Variants in ATAD2B observed in about 807,000 individuals in gnomAD.
ATAD2B encodes the protein ATPase family AAA domain-containing protein 2B.
ATAD2B carries 40 observed loss-of-function variants against 167.6 expected under a neutral mutation model. The observed-to-expected ratio is 0.24, with a 90% CI of 0.19 to 0.31. ATAD2B has a LOEUF of 0.31. Ranked by LOEUF, ATAD2B falls within the 10% of genes least tolerant of loss-of-function variation. ATAD2B has a pLI of 1.00. For missense variants in ATAD2B, 1,242 were observed against 1,757.2 expected (o/e 0.71, Z 5.24); for synonymous variants, 579 against 596.5 (o/e 0.97, Z 0.43).
intron 19 of ATAD2B, among the ~76,000 whole-genome samples, 192 bp downstream of exon 19, chr2:23,797,946 G>A (rs1400177076): frequency 6.6e-6 from 1 of 151,956 alleles, no homozygotes; most frequent in Admixed American, 6.6e-5. Context: ...CAACACTGTG[G>A]AATACCACTA....
intron 12 of ATAD2B, among the ~76,000 whole-genome samples, chr2:23,862,654 ATATT>A (rs1453913799): frequency 2.0e-5 from 3 of 152,160 alleles, no homozygotes; most frequent in Non-Finnish European, 2.9e-5. Flanking sequence ...AGTCCACATG[ATATT>A]TATTCACCCT....
At position 23,884,312 on chromosome 2, in the gene ATAD2B, T is replaced by C. The variant is rs79103660; in HGVS notation, c.784+453A>G. On this transcript the variant is annotated intron_variant, in intron 6 of 27. Coordinates refer to ENST00000238789, the MANE Select transcript of ATAD2B (RefSeq NM_017552.4). The stretch of plus-strand genomic sequence containing the variant: ...ACAAATGCCTCAGAAAAGAACAGTA[T>C]AGTCCCTTTCCACTGGTATTAGAAG... 1.6e-3 allele frequency among the ~76,000 whole-genome samples: 243 copies of C among 152,316 alleles called. 2 individuals carry two copies. The highest frequency in any genetic ancestry group is 5.6e-3 in the African/African-American group (232 of 41,576).
chr2:23,876,166 G>A (rs2150152509), intron 7 of ATAD2B, among the ~76,000 whole-genome samples: 1 of 151,914 alleles, frequency 6.6e-6, no homozygotes, highest in East Asian at 1.9e-4. Flanking sequence ...GCTAATTTTT[G>A]TATTTTTAGT....
At chr2:23,833,863 T>C in intron 14 of ATAD2B, 56 bp downstream of exon 14, 1 of 1,332,396 alleles carries the variant, frequency 7.5e-7, no homozygotes, top group Non-Finnish European at 1.0e-6. Flanking sequence ...TCAGAACATA[T>C]GCCTTATAGT....
chr2:23,791,307 G>A (rs1358300171), intron 19 of ATAD2B, among the ~76,000 whole-genome samples: 2 of 152,134 alleles, frequency 1.3e-5, no homozygotes, highest in Non-Finnish European at 2.9e-5. Flanking sequence ...AACTAGGAGT[G>A]GAATTGCTGA....
intron 22 of ATAD2B, among the ~76,000 whole-genome samples, chr2:23,773,144 A>C (rs1398807852): frequency 6.6e-6 from 1 of 152,240 alleles, no homozygotes; most frequent in Non-Finnish European, 1.5e-5. Flanking sequence ...ACTTAGAAGA[A>C]TATTCAAAGT....
At chr2:23,921,437 T>C (rs1432968773) in intron 1 of ATAD2B, among the ~76,000 whole-genome samples, 1 of 152,146 alleles carries the variant, frequency 6.6e-6, no homozygotes, top group Non-Finnish European at 1.5e-5. Flanking sequence ...ACAGTAGTAA[T>C]TCTACCACTT....
chr2:23,805,645 T>C (rs921893424), intron 18 of ATAD2B, among the ~76,000 whole-genome samples: 1 of 152,216 alleles, frequency 6.6e-6, no homozygotes, highest in Admixed American at 6.5e-5. Flanking sequence ...GTATATGTAT[T>C]TGAAATGTTA....
chr2:23,727,687 A>G, the ATAD2B span, among the ~76,000 whole-genome samples: 2 of 152,234 alleles, frequency 1.3e-5, no homozygotes, highest in Non-Finnish European at 2.9e-5. Flanking sequence ...AGGTGAATGG[A>G]TAACAGACTC....
intron 13 of ATAD2B, among the ~76,000 whole-genome samples, chr2:23,835,973 T>C (rs1689878968): frequency 6.6e-6 from 1 of 151,962 alleles, no homozygotes; most frequent in South Asian, 2.1e-4. Context: ...ACAGCTCTTA[T>C]TATGGGGTCC....
intron 21 of ATAD2B, among the ~76,000 whole-genome samples, chr2:23,783,233 C>A (rs1327858422): frequency 6.6e-6 from 1 of 151,094 alleles, no homozygotes; most frequent in Non-Finnish European, 1.5e-5. Context: ...CCAAGTCATA[C>A]CTAAATCAAC....
intron 21 of ATAD2B, 149 bp downstream of exon 21, chr2:23,785,878 A>G (rs914798163): frequency 1.6e-6 from 1 of 638,044 alleles, no homozygotes; most frequent in South Asian, 2.8e-5. Flanking sequence ...TGCTGATGAC[A>G]TCGGTAGTTA....
the ATAD2B span, among the ~76,000 whole-genome samples, chr2:23,725,397 A>C: frequency 2.0e-5 from 3 of 152,258 alleles, no homozygotes; most frequent in South Asian, 6.2e-4. Flanking sequence ...GTCTGTGTAA[A>C]TATAACAGAT....
At chr2:23,789,486 A>G (rs556231639) in intron 19 of ATAD2B, among the ~76,000 whole-genome samples, 1 of 152,292 alleles carries the variant, frequency 6.6e-6, no homozygotes, top group East Asian at 1.9e-4. Context: ...GCAATGCCTA[A>G]TAAGTATGTA....
intron 19 of ATAD2B, among the ~76,000 whole-genome samples, chr2:23,796,232 G>C (rs966872373): frequency 1.3e-5 from 2 of 152,084 alleles, no homozygotes; most frequent in Admixed American, 6.5e-5. Context: ...TACTTATAAA[G>C]ACAAAAGCGA....
the ATAD2B span, among the ~76,000 whole-genome samples, chr2:23,713,102 T>C: frequency 6.6e-6 from 1 of 152,272 alleles, no homozygotes; most frequent in Non-Finnish European, 1.5e-5. Context: ...GCACAAGTAA[T>C]GGCAGTTTTT....
rs544708680 is a variant in ATAD2B at position 23,909,850 on chromosome 2, T to G, written c.217-13880A>C. Among the ~76,000 whole-genome samples, 33 of 150,704 alleles carry G rather than the reference T, an allele frequency of 2.2e-4. No homozygotes were observed. In the East Asian group the frequency reaches 2.3e-3, roughly 11 times the overall value. ...TTGAGTATTGCATAAGTTTGGGTTG[T>G]TTTTTTTTGTTTGTTTTTGTTTTTT... On this transcript the variant is annotated intron_variant, in intron 1 of 27. Coordinates refer to ENST00000238789, the MANE Select transcript of ATAD2B (RefSeq NM_017552.4).
the ATAD2B span, among the ~76,000 whole-genome samples, chr2:23,699,319 TG>T: frequency 6.6e-6 from 1 of 152,162 alleles, no homozygotes; most frequent in Non-Finnish European, 1.5e-5. Flanking sequence ...TGGCACAGCA[TG>T]CCATGCCCAG....
intron 17 of ATAD2B, among the ~76,000 whole-genome samples, chr2:23,818,120 C>T (rs1166352779): frequency 1.4e-5 from 1 of 73,474 alleles, no homozygotes; most frequent in Admixed American, 1.3e-4. Context: ...CACACACACA[C>T]ATTACACACA....
Sources: allele counts gnomAD v4.1 joint callset (sites outside exome capture counted in the v4.1 genomes callset), GRCh38; gene constraint gnomAD v4.1.1; transcripts MANE v1.5; gene names NCBI Gene and HGNC (gene_info 2026-07-23, HGNC 2026-07-21).